Variants in DNAH17 observed in about 807,000 individuals in gnomAD.
DNAH17 encodes dynein axonemal heavy chain 17.
A neutral mutation model predicts 485.6 loss-of-function variants in DNAH17; 376 were observed. That is an observed-to-expected ratio of 0.77 (90% confidence interval 0.71 to 0.84). DNAH17 has a LOEUF of 0.84. Ranked by LOEUF, DNAH17 falls within the 40% of genes least tolerant of loss-of-function variation. The pLI, the probability that DNAH17 is intolerant of heterozygous loss-of-function variation, is 0.00. For synonymous variants in DNAH17, 3,031 were observed against 2,405.9 expected (o/e 1.26, Z -7.60); for missense variants, 6,370 against 5,839.3 (o/e 1.09, Z -2.96).
chr17:78,546,442 C>T (rs1167564296), intron 16 of DNAH17, among the ~76,000 whole-genome samples: 2 of 152,106 alleles, frequency 1.3e-5, no homozygotes, highest in Non-Finnish European at 2.9e-5. Context: ...CACGTTTTAT[C>T]CTTTCTGCTT....
At chr17:78,451,700 GT>G in intron 65 of DNAH17, 27 bp from the exon 66 acceptor site, 1 of 1,534,410 alleles carries the variant, frequency 6.5e-7, no homozygotes, top group Non-Finnish European at 8.8e-7. Flanking sequence ...GAAAGGGTTA[GT>G]GGGCCTCCCA....
At chr17:78,488,124 G>A (rs961073060) in intron 44 of DNAH17, among the ~76,000 whole-genome samples, 3 of 152,210 alleles carry the variant, frequency 2.0e-5, no homozygotes, top group Admixed American at 1.3e-4. Flanking sequence ...AATTTGTGAT[G>A]CTGCCTTGGT....
At chr17:78,497,183 C>T (rs1039766648) in intron 37 of DNAH17, 1 of 152,224 alleles carries the variant, frequency 6.6e-6, no homozygotes. Context: ...CTGTCAGCTA[C>T]GAGGTTAAAC....
chr17:78,561,577 T>A lies in DNAH17; in HGVS notation c.1835+138A>T, dbSNP rs1108365. On this transcript the variant is annotated intron_variant, in intron 12 of 80. Coordinates refer to ENST00000389840, the MANE Select transcript of DNAH17 (RefSeq NM_173628.4). ...GGGGAGGAGGGAGGACCAGAAGGGG[T>A]CTCTTCTGGGCTTTTGCTCTGGGAG... The A allele has an allele frequency of 0.49, 490,208 of 1,009,108 alleles. 121,193 individuals carry two copies. Among genetic ancestry groups the A allele is most frequent in the Non-Finnish European group, 0.52 (378,606 of 734,160 alleles). 62.5% of individuals were successfully genotyped at this position (1,009,108 alleles called of 1,614,324 possible). A position where few individuals can be genotyped will look rare whatever the true frequency, so the allele number is the denominator to read the frequency against.
chr17:78,556,212 G>A (rs1183373576), intron 14 of DNAH17, among the ~76,000 whole-genome samples: 1 of 151,666 alleles, frequency 6.6e-6, no homozygotes, highest in Non-Finnish European at 1.5e-5. Context: ...TCTAGCTACC[G>A]ATCTATCTAT....
In DNAH17 at chr17:78,439,176, T is replaced by C. The variant is rs950670385; in HGVS notation, c.11719A>G (p.Asn3907Asp). ...GFTIDNGKLH[N>D]VSLGQGQEVV... ...TCTTGTCCCTGCCCCAGGGACACAT[T>C]ATGGAGTTTTCCATTGTCTATGGTA... The change falls in exon 73 of 81, where the codon AAT becomes GAT. Residue 3907 changes from asparagine to aspartate, a missense_variant. By Grantham distance (23) the Asn-to-Asp change is conservative. Coordinates refer to ENST00000389840, the MANE Select transcript of DNAH17 (RefSeq NM_173628.4). 1 of 1,613,528 alleles carries C rather than the reference T, an allele frequency of 6.2e-7. No homozygotes were observed. The highest frequency in any genetic ancestry group is 8.5e-7 in the Non-Finnish European group (1 of 1,179,818).
chr17:78,561,767 G>A lies in DNAH17; in HGVS notation c.1783C>T (p.Leu595=), dbSNP rs757913098. Residue 595 remains leucine (L), a synonymous_variant, in exon 12 of 81, where the codon CTG becomes TTG. Coordinates refer to ENST00000389840, the MANE Select transcript of DNAH17 (RefSeq NM_173628.4). ...ATGGACACCTCTAGCCTCTCCTGCA[G>A]CTCCAGGCTCCATTTGAGCTGCCCG... ...VAGQLKWSLE[L]QERLEVSMKH... The A allele has an allele frequency of 8.7e-5, 140 of 1,612,972 alleles. No homozygotes were observed. In the Admixed American group the frequency reaches 2.3e-3, roughly 26 times the overall value.
At position 78,485,029 on chromosome 17, in the gene DNAH17, C is replaced by T; in HGVS notation, c.7488G>A (p.Val2496=). Residue 2496 remains valine (V), a synonymous_variant, in exon 48 of 81, where the codon GTG becomes GTA. Transcript: ENST00000389840. The part of the protein sequence containing the change: ...FYTTSAMLQG[V]LEKPLEKKSG... ...ATTTCTTCTCCAGCGGCTTCTCCAG[C>T]ACCCCTAGAGAGGGCAGAGGGTCAG... 2 of 1,608,314 alleles carry T rather than the reference C, an allele frequency of 1.2e-6. No individual in the cohort carries two copies. The highest frequency in any genetic ancestry group is 1.3e-5 in the African/African-American group (1 of 74,986).
intron 19 of DNAH17, 44 bp downstream of exon 19, chr17:78,537,255 G>A (rs1385226182): frequency 6.5e-7 from 1 of 1,528,540 alleles, no homozygotes; most frequent in South Asian, 1.2e-5. Context: ...AATGGGGAAA[G>A]CAATGGATGA....
chr17:78,455,932 T>C, intron 62 of DNAH17, 96 bp from the exon 63 acceptor site: 2 of 1,091,864 alleles, frequency 1.8e-6, no homozygotes, highest in Non-Finnish European at 2.5e-6. Context: ...ATCTTCAGAG[T>C]TTCCCGTCTG....
chr17:78,562,179 C>A (rs1246403058), intron 11 of DNAH17, among the ~76,000 whole-genome samples, 199 bp from the exon 12 acceptor site: 1 of 152,136 alleles, frequency 6.6e-6, no homozygotes, highest in South Asian at 2.1e-4. Context: ...TGACTTAGGC[C>A]GAGTCCCCAA....
rs544029182 is a variant in DNAH17 at position 78,490,632 on chromosome 17, G to A, written c.6818+67C>T. 22 of 1,526,332 alleles carry A rather than the reference G, an allele frequency of 1.4e-5. No homozygotes were observed. The South Asian group carries it at 2.7e-4, about 18-fold the overall frequency. 94.5% of individuals were successfully genotyped at this position (1,526,332 alleles called of 1,614,324 possible). ...GAATGATGAATGAATATGCAACTCTGAAACAGGCCAACAAGTTCGTTTTTC... is the reference window on the plus strand; with the variant it reads ...GAATGATGAATGAATATGCAACTCTAAAACAGGCCAACAAGTTCGTTTTTC... On this transcript the variant is annotated intron_variant, in intron 44 of 80. Transcript: ENST00000389840.
Position 78,567,502 on chromosome 17 carries a change from C to T in DNAH17, c.1285-336G>A, listed in dbSNP as rs372347783. Among the ~76,000 whole-genome samples the T allele has an allele frequency of 3.9e-5, 6 of 152,288 alleles. No homozygotes were observed. The South Asian group carries it at 1.0e-3, about 26-fold the overall frequency. On this transcript the variant is annotated intron_variant, in intron 9 of 80. Coordinates refer to ENST00000389840, the MANE Select transcript of DNAH17 (RefSeq NM_173628.4). Reference sequence around the variant, plus strand: ...ATAAATCACACTCTGCTGGGACCTCCGTTTTCTCCGCTGTGGGAAGCGGTT... The same window carrying T: ...ATAAATCACACTCTGCTGGGACCTCTGTTTTCTCCGCTGTGGGAAGCGGTT...
In DNAH17 at chr17:78,505,375, T is replaced by G. The variant is rs2146735934; in HGVS notation, c.4874A>C (p.Lys1625Thr). 6.2e-7 allele frequency: 1 copy of G among 1,613,974 alleles called. No individual in the cohort carries two copies. The highest frequency in any genetic ancestry group is 8.5e-7 in the Non-Finnish European group (1 of 1,179,880). The stretch of plus-strand genomic sequence containing the variant: ...CATTCCCAGGCCCACCTTGAGAGGT[T>G]TGTCACTGGCATCGAGCCGGAACTT... ...KLKFRLDASD[K>T]PLKVGLGMYS... The change falls in exon 31 of 81, where the codon AAA becomes ACA. Residue 1625 changes from lysine to threonine, a missense_variant. By Grantham distance (78) the Lys-to-Thr change is moderately conservative. Transcript: ENST00000389840.
chr17:78,544,898 A>G (rs1156861641), intron 16 of DNAH17, among the ~76,000 whole-genome samples: 1 of 150,978 alleles, frequency 6.6e-6, no homozygotes, highest in African/African-American at 2.4e-5. Context: ...TTTTCCCTAC[A>G]CATCTCCATT....
At chr17:78,524,329 G>A (rs976081099) in intron 25 of DNAH17, among the ~76,000 whole-genome samples, 5 of 152,170 alleles carry the variant, frequency 3.3e-5, no homozygotes, top group East Asian at 3.9e-4. Context: ...GTAGAGACGG[G>A]GTTTCATCAT....
chr17:78,547,257 AG>A (rs2091788512), intron 16 of DNAH17, among the ~76,000 whole-genome samples: 1 of 152,184 alleles, frequency 6.6e-6, no homozygotes, highest in South Asian at 2.1e-4. Flanking sequence ...TTTCTCAGGA[AG>A]GGTATCCAAA....
At chr17:78,548,172 A>G (rs58134244) in intron 16 of DNAH17, among the ~76,000 whole-genome samples, 79,700 of 139,956 alleles carry the variant, frequency 0.57, 22,416 homozygotes, top group South Asian at 0.64. Flanking sequence ...CTTAGTTCTC[A>G]TTCTGTTGTT....
At chr17:78,488,467 T>C (rs180824783) in intron 44 of DNAH17, among the ~76,000 whole-genome samples, 1 of 152,298 alleles carries the variant, frequency 6.6e-6, no homozygotes, top group Admixed American at 6.5e-5. Flanking sequence ...GCTGCCTTCG[T>C]TTCTGGCTCC....
Sources: gnomAD v4.1 joint callset for allele counts (sites outside exome capture counted in the v4.1 genomes callset) on GRCh38, gnomAD v4.1.1 for gene constraint, MANE v1.5 for transcripts, NCBI Gene and HGNC (gene_info 2026-07-23, HGNC 2026-07-21) for gene names.